The following SULT1E1 variants were observed in gnomAD, a reference collection of about 807,000 sequenced individuals.
SULT1E1 encodes the protein sulfotransferase family 1E member 1.
SULT1E1 carries 36 observed loss-of-function variants against 33.6 expected under a neutral mutation model. The observed-to-expected ratio is 1.07, with a 90% confidence interval of 0.82 to 1.41. The LOEUF (loss-of-function observed/expected upper bound fraction) is 1.41. Among genes scored for constraint, SULT1E1 ranks in the 40% most tolerant of loss-of-function variants. The pLI, the probability that SULT1E1 is intolerant of heterozygous loss-of-function variation, is 0.00. For missense variants in SULT1E1, 371 were observed against 345.7 expected, an observed-to-expected ratio of 1.07 and a Z score of -0.58; for synonymous variants, 121 against 111.7, an observed-to-expected ratio of 1.08 and a Z score of -0.53.
At chr4:69,853,047 T>A (rs2110071798) in intron 4 of SULT1E1, among the ~76,000 whole-genome samples, 1 of 152,280 alleles carries the variant, frequency 6.6e-6, no homozygotes, top group South Asian at 2.1e-4. Flanking sequence ...AAAAACAAAC[T>A]AACCTGGCAA....
At chr4:69,827,962 C>T in the SULT1E1 span, among the ~76,000 whole-genome samples, 12 of 152,290 alleles carry the variant, frequency 7.9e-5, no homozygotes, top group East Asian at 7.7e-4. Flanking sequence ...TCTGCTATGC[C>T]GATGCAATCA....
intron 1 of SULT1E1, among the ~76,000 whole-genome samples, chr4:69,859,739 C>T (rs1721326089): frequency 6.6e-6 from 1 of 152,076 alleles, no homozygotes; most frequent in Admixed American, 6.6e-5. Flanking sequence ...TTCTACCCTG[C>T]TTGCTTTATT....
chr4:69,827,055 C>T, the SULT1E1 span, among the ~76,000 whole-genome samples: 1 of 152,090 alleles, frequency 6.6e-6, no homozygotes, highest in Non-Finnish European at 1.5e-5. Flanking sequence ...GAATTTGGCT[C>T]AACCCAGGTA....
At chr4:69,838,871 A>G (rs1361408667), downstream of SULT1E1, among the ~76,000 whole-genome samples, 1 of 152,256 alleles carries the variant, frequency 6.6e-6, no homozygotes, top group African/African-American at 2.4e-5. Flanking sequence ...GAAAGTCCCA[A>G]TATGGATCTC....
At chr4:69,846,305 C>CAAAAAAAAAAAAAAAAAGA (rs1720975598) in intron 6 of SULT1E1, among the ~76,000 whole-genome samples, 1 of 107,038 alleles carries the variant, frequency 9.3e-6, no homozygotes, top group Admixed American at 1.0e-4. Flanking sequence ...ACAAAACAAT[C>CAAAAAAAAAAAAAAAAAGA]AAAAAAAAAA....
chr4:69,853,882 C>A (rs1442474132), intron 4 of SULT1E1, among the ~76,000 whole-genome samples: 1 of 152,044 alleles, frequency 6.6e-6, no homozygotes, highest in Non-Finnish European at 1.5e-5. Flanking sequence ...TTGTTGTTTA[C>A]AATATGCTAG....
chr4:69,846,291 A>G (rs1720973945), intron 6 of SULT1E1, among the ~76,000 whole-genome samples: 1 of 138,860 alleles, frequency 7.2e-6, no homozygotes, highest in African/African-American at 2.6e-5. Flanking sequence ...CCCATCCCAC[A>G]TAAACAAAAC....
chr4:69,825,722 G>A, the SULT1E1 span, among the ~76,000 whole-genome samples: 9 of 152,104 alleles, frequency 5.9e-5, no homozygotes, highest in South Asian at 1.2e-3. Flanking sequence ...ACAACAAGTC[G>A]GTTGACCCTG....
chr4:69,840,211 A>T (rs28489656), downstream of SULT1E1, among the ~76,000 whole-genome samples: 1,184 of 144,796 alleles, frequency 8.2e-3, 16 homozygotes, highest in East Asian at 0.031. Context: ...ATTAAACATT[A>T]AAAAAAAGCT....
chr4:69,832,678 G>C, the SULT1E1 span, among the ~76,000 whole-genome samples: 1 of 151,920 alleles, frequency 6.6e-6, no homozygotes, highest in South Asian at 2.1e-4. Context: ...CTCATCTTGC[G>C]ACCCCCCCAC....
chr4:69,834,136 A>G, the SULT1E1 span, among the ~76,000 whole-genome samples: 3 of 152,080 alleles, frequency 2.0e-5, no homozygotes, highest in Non-Finnish European at 2.9e-5. Flanking sequence ...TACTCCTTCC[A>G]AGCTACAAGC....
Position 69,849,483 on chromosome 4 carries a change from ATT to A in SULT1E1, c.448_449del (p.Asn150SerfsTer23). 6.2e-7 allele frequency: 1 copy of A among 1,611,748 alleles called. No individual in the cohort carries two copies. The highest frequency in any genetic ancestry group is 1.1e-5 in the South Asian group (1 of 91,022). ...YFFLMVAGHP[N>X]PGSFPEFVEK... ...CCACAAACTCTGGAAAGGATCCAGGATTTGGATGACCAGCCACCATTAGAAAG... is the reference window on the plus strand; with the variant it reads ...CCACAAACTCTGGAAAGGATCCAGGATGGATGACCAGCCACCATTAGAAAG... On this transcript the variant is annotated frameshift_variant, in exon 5 of 8. Coordinates refer to ENST00000226444, the MANE Select transcript of SULT1E1 (RefSeq NM_005420.3). LOFTEE classifies it high-confidence loss of function.
chr4:69,858,905 C>T (rs919091428), intron 1 of SULT1E1, among the ~76,000 whole-genome samples: 1 of 152,118 alleles, frequency 6.6e-6, no homozygotes, highest in Admixed American at 6.6e-5. Flanking sequence ...GGCTTATAGT[C>T]AGCTGGGAGT....
chr4:69,857,424 C>G (rs1319622462), intron 2 of SULT1E1, 76 bp downstream of exon 2: 1 of 1,500,286 alleles, frequency 6.7e-7, no homozygotes, highest in Non-Finnish European at 8.9e-7. Context: ...GTGTGTACGA[C>G]ATGAACACCT....
chr4:69,845,743 A>G (rs988161821), intron 6 of SULT1E1, among the ~76,000 whole-genome samples: 2 of 151,426 alleles, frequency 1.3e-5, no homozygotes, highest in Non-Finnish European at 3.0e-5. Context: ...GTAGACATGG[A>G]CAATTTGAAA....
intron 4 of SULT1E1, 75 bp from the exon 5 acceptor site, chr4:69,849,638 G>T: frequency 5.2e-6 from 7 of 1,348,480 alleles, no homozygotes; most frequent in South Asian, 1.5e-5. Context: ...TTTTAAAAAG[G>T]ATTTACATTT....
chr4:69,851,480 G>A (rs1294849589), intron 4 of SULT1E1, among the ~76,000 whole-genome samples: 3 of 152,182 alleles, frequency 2.0e-5, no homozygotes, highest in Admixed American at 6.5e-5. Flanking sequence ...AACAACAGGT[G>A]CTGGAGAGGA....
the SULT1E1 span, among the ~76,000 whole-genome samples, chr4:69,824,615 T>A: frequency 6.6e-6 from 1 of 152,126 alleles, no homozygotes; most frequent in Admixed American, 6.5e-5. Context: ...TGGAGAATTT[T>A]TGTGTCTAGC....
At chr4:69,836,076 A>G in the SULT1E1 span, among the ~76,000 whole-genome samples, 1 of 152,340 alleles carries the variant, frequency 6.6e-6, no homozygotes, top group African/African-American at 2.4e-5. Context: ...AAATTACCCA[A>G]TATAGCTTAA....
Sources: gnomAD v4.1 joint callset for allele counts (sites outside exome capture counted in the v4.1 genomes callset) on GRCh38, gnomAD v4.1.1 for gene constraint, MANE v1.5 for transcripts, NCBI Gene and HGNC (gene_info 2026-07-23, HGNC 2026-07-21) for gene names.